Variants in PRKN observed in about 807,000 individuals in gnomAD.
PRKN encodes the protein E3 ubiquitin-protein ligase parkin.
Under a neutral mutation model 59.5 loss-of-function variants are expected in PRKN, and 56 were observed. The observed-to-expected ratio is 0.94, with a 90% CI of 0.76 to 1.18. The LOEUF is 1.18. PRKN is among the 50% of genes most tolerant of loss of function. The pLI is 0.00. For missense variants in PRKN, 657 were observed against 596.4 expected, an observed-to-expected ratio of 1.10 and a Z score of -1.06; for synonymous variants, 250 against 222.1, an observed-to-expected ratio of 1.13 and a Z score of -1.12.
At chr6:162,391,650 G>A (rs553483737) in intron 2 of PRKN, among the ~76,000 whole-genome samples, 2 of 152,120 alleles carry the variant, frequency 1.3e-5, no homozygotes, top group East Asian at 3.9e-4. Context: ...CATGCTTGAC[G>A]TGGATTTCGA....
chr6:162,215,801 T>C (rs138098859), intron 3 of PRKN, among the ~76,000 whole-genome samples: 3,646 of 152,204 alleles, frequency 0.024, 71 homozygotes, highest in Non-Finnish European at 0.04. Context: ...ATACCAGCAC[T>C]TTGGGAGGGC....
chr6:161,367,363 G>T (rs1785251075), intron 10 of PRKN, among the ~76,000 whole-genome samples: 1 of 152,088 alleles, frequency 6.6e-6, no homozygotes, highest in African/African-American at 2.4e-5. Flanking sequence ...TGCAGTGGGG[G>T]TGGGGTTCAC....
At position 161,729,880 on chromosome 6, in the gene PRKN, G is replaced by GCA. The variant is rs1583065183; in HGVS notation, c.871+55891_871+55892insTG. On this transcript the variant is annotated intron_variant, in intron 7 of 11. Transcript: ENST00000366898. ...TCTGACATGTTGCATTCTTTCTGAT[G>GCA]TGTTGCATATTCTGGCATGTTGCAT... is the stretch of plus-strand genomic sequence containing the variant. 2.8e-5 allele frequency among the ~76,000 whole-genome samples: 4 copies of GCA among 143,420 alleles called. No homozygotes were observed. In the East Asian group the frequency reaches 7.8e-4, roughly 28 times the overall value. The allele number at this position is 143,420 out of a possible 152,430, so 94.1% of individuals were successfully genotyped here. A position where few individuals can be genotyped will look rare whatever the true frequency, so the allele number is the denominator to read the frequency against.
chr6:162,407,706 G>A (rs1243326837), intron 2 of PRKN, among the ~76,000 whole-genome samples: 4 of 152,138 alleles, frequency 2.6e-5, no homozygotes, highest in African/African-American at 9.6e-5. Context: ...CACAGTTACA[G>A]GGTATAAAAT....
intron 1 of PRKN, among the ~76,000 whole-genome samples, chr6:162,614,379 C>T (rs900547996): frequency 6.6e-6 from 1 of 152,092 alleles, no homozygotes; most frequent in Non-Finnish European, 1.5e-5. Context: ...CTTTACATGC[C>T]ATTTTAGTGT....
At chr6:162,412,538 T>C (rs751539257) in intron 2 of PRKN, among the ~76,000 whole-genome samples, 13 of 152,044 alleles carry the variant, frequency 8.6e-5, no homozygotes, top group Non-Finnish European at 1.8e-4. Flanking sequence ...CTATTTTCCA[T>C]GGAATTCCAG....
In PRKN at chr6:161,445,941, G is replaced by A. The variant is rs1381556421; in HGVS notation, c.1084-59064C>T. ...GATGGAGTGGCGGGGATAGGGACCA[G>A]AGCAGAGAGGGCAGCAGCATAAACA... is the stretch of plus-strand genomic sequence containing the variant. On this transcript the variant is annotated intron_variant, in intron 9 of 11. Transcript: ENST00000366898. This position sits in a 1 kb window ranked among gnomAD's most constrained non-coding sequence, Gnocchi z 7.7. Among the ~76,000 whole-genome samples the A allele has an allele frequency of 6.6e-6, 1 of 152,146 alleles. No individual in the cohort carries two copies. Among genetic ancestry groups the A allele is most frequent in the East Asian group, 1.9e-4 (1 of 5,160 alleles).
intron 7 of PRKN, among the ~76,000 whole-genome samples, chr6:161,594,400 A>G (rs1781840854): frequency 6.6e-6 from 1 of 152,228 alleles, no homozygotes; most frequent in Admixed American, 6.5e-5. Flanking sequence ...ATGGGAGAAG[A>G]CATCAAGAAA....
intron 6 of PRKN, among the ~76,000 whole-genome samples, chr6:161,940,753 G>C (rs1402150422): frequency 6.6e-6 from 1 of 152,190 alleles, no homozygotes; most frequent in African/African-American, 2.4e-5. Context: ...TGTCTATGTG[G>C]CATGTGGCAA....
rs117007532 is a variant in PRKN, at chr6:161,685,016, T to C, written c.871+100756A>G. 6.5e-3 allele frequency among the ~76,000 whole-genome samples: 988 copies of C among 152,350 alleles called. 10 individuals carry two copies. Among genetic ancestry groups the C allele is most frequent in the Non-Finnish European group, 0.012 (786 of 68,030 alleles). ...AGACTGGTGGTTAACATGATATCAT[T>C]GACTATTGGAAACAACTGAAAAACT... On this transcript the variant is annotated intron_variant, in intron 7 of 11. Transcript: ENST00000366898.
chr6:161,890,550 G>A (rs950482322), intron 6 of PRKN, among the ~76,000 whole-genome samples: 1 of 152,190 alleles, frequency 6.6e-6, no homozygotes, highest in Non-Finnish European at 1.5e-5. Flanking sequence ...CATGCGGCCG[G>A]ATTTAAGCCT....
intron 4 of PRKN, among the ~76,000 whole-genome samples, chr6:162,069,534 A>G (rs774612220): frequency 1.5e-4 from 23 of 152,338 alleles, no homozygotes; most frequent in Non-Finnish European, 2.8e-4. Flanking sequence ...CACAAACAGA[A>G]ACATGTCTTG....
intron 1 of PRKN, among the ~76,000 whole-genome samples, chr6:162,714,527 C>T (rs1416074084): frequency 5.9e-5 from 9 of 152,172 alleles, no homozygotes; most frequent in Admixed American, 5.9e-4. Context: ...ATAAATACCC[C>T]CTGACTTTGG....
intron 5 of PRKN, among the ~76,000 whole-genome samples, chr6:162,039,900 G>A (rs1360486327): frequency 6.6e-6 from 1 of 152,170 alleles, no homozygotes; most frequent in African/African-American, 2.4e-5. Context: ...GTCATCTACT[G>A]CTATTCAACA....
intron 9 of PRKN, among the ~76,000 whole-genome samples, chr6:161,433,473 A>C (rs1788742937): frequency 6.6e-6 from 1 of 152,202 alleles, no homozygotes; most frequent in Admixed American, 6.5e-5. Context: ...TTAAAAATTA[A>C]AGGCTTTGTA....
chr6:162,000,640 G>A lies in PRKN; in HGVS notation c.619-27223C>T, dbSNP rs566679807. Among the ~76,000 whole-genome samples, 6 of 151,976 alleles carry A rather than the reference G, an allele frequency of 3.9e-5. No individual in the cohort carries two copies. In the East Asian group the frequency reaches 1.2e-3, roughly 29 times the overall value. On this transcript the variant is annotated intron_variant, in intron 5 of 11. Coordinates refer to ENST00000366898, the MANE Select transcript of PRKN (RefSeq NM_004562.3). ...TGACAGCTGCTTTTCAAAGAGCTGA[G>A]GTTTTGTATTGTAATAAAATCCAGC...
At chr6:161,422,755 G>A (rs1184588303) in intron 9 of PRKN, among the ~76,000 whole-genome samples, 2 of 152,114 alleles carry the variant, frequency 1.3e-5, no homozygotes, top group African/African-American at 2.4e-5. Context: ...GAGCAAGGAA[G>A]GAAGAGAGAA....
chr6:161,612,093 G>A (rs1044015184), intron 7 of PRKN, among the ~76,000 whole-genome samples: 12 of 152,298 alleles, frequency 7.9e-5, no homozygotes, highest in African/African-American at 2.6e-4. Flanking sequence ...ACAAAAGTTT[G>A]AAACTATGAG....
intron 1 of PRKN, among the ~76,000 whole-genome samples, chr6:162,721,240 T>C (rs2156259): frequency 0.24 from 37,018 of 152,080 alleles, 5,234 homozygotes; most frequent in African/African-American, 0.36. Flanking sequence ...ATTTCAAGTA[T>C]TCTGTTTTAT....
Sources: gnomAD v4.1 joint callset for allele counts (sites outside exome capture counted in the v4.1 genomes callset) on GRCh38, gnomAD v4.1.1 for gene constraint, Gnocchi (gnomAD v3.1) non-coding constraint, MANE v1.5 for transcripts, NCBI Gene and HGNC (gene_info 2026-07-23, HGNC 2026-07-21) for gene names.